The following C8orf34 variants were observed in gnomAD, a reference collection of about 807,000 sequenced individuals.
The protein encoded by C8orf34 is uncharacterized protein C8orf34.
A neutral mutation model predicts 68.3 loss-of-function variants in C8orf34; 65 were observed. The ratio of observed to expected loss-of-function variants is 0.95; its 90% CI spans 0.78 to 1.17. The LOEUF is 1.17. Ranked by LOEUF, C8orf34 falls within the 50% of genes most tolerant of loss-of-function variation. The probability of loss-of-function intolerance (pLI) is 0.00; values close to 1 mark genes in which losing one functional copy is unlikely to be tolerated. For synonymous variants in C8orf34, 244 were observed against 241.2 expected (o/e 1.01, Z -0.11); for missense variants, 664 against 655.4 (o/e 1.01, Z -0.14).
At chr8:68,598,386 G>A (rs1051995876) in intron 7 of C8orf34, among the ~76,000 whole-genome samples, 1 of 152,080 alleles carries the variant, frequency 6.6e-6, no homozygotes, top group African/African-American at 2.4e-5. Context: ...TACGGGTACC[G>A]AGGGTTCTTG....
At chr8:68,704,940 G>C (rs1218082600) in intron 8 of C8orf34, among the ~76,000 whole-genome samples, 2 of 152,250 alleles carry the variant, frequency 1.3e-5, no homozygotes, top group East Asian at 3.9e-4. Context: ...TTATGGAAAA[G>C]GGGTTTCTAA....
intron 1 of C8orf34, among the ~76,000 whole-genome samples, chr8:68,349,330 T>C (rs188840251): frequency 2.2e-4 from 33 of 152,230 alleles, no homozygotes; most frequent in Admixed American, 2.0e-3. Flanking sequence ...GAAGCCTACT[T>C]GATCATGGTG....
At chr8:68,496,517 A>G (rs909722690) in intron 5 of C8orf34, among the ~76,000 whole-genome samples, 1 of 152,204 alleles carries the variant, frequency 6.6e-6, no homozygotes, top group African/African-American at 2.4e-5. Context: ...AGGAGGGCCT[A>G]TTTTAAGTTG....
chr8:68,614,674 C>A (rs1382706455), intron 7 of C8orf34, among the ~76,000 whole-genome samples: 2 of 152,130 alleles, frequency 1.3e-5, no homozygotes, highest in African/African-American at 2.4e-5. Flanking sequence ...CAGTACCATG[C>A]TGTTTTGGTT....
chr8:68,475,208 T>A (rs113800810), intron 4 of C8orf34, among the ~76,000 whole-genome samples: 20 of 152,242 alleles, frequency 1.3e-4, no homozygotes, highest in African/African-American at 4.6e-4. Context: ...CTCTTCAGCT[T>A]CAGCTCAAAT....
At chr8:68,708,818 T>C (rs1821249022) in intron 8 of C8orf34, among the ~76,000 whole-genome samples, 176 bp from the exon 9 acceptor site, 2 of 152,188 alleles carry the variant, frequency 1.3e-5, no homozygotes, top group South Asian at 4.1e-4. Flanking sequence ...TCCTTAATGG[T>C]TAGAACAGCA....
chr8:68,333,044 A>G (rs1805698718), intron 1 of C8orf34, among the ~76,000 whole-genome samples: 1 of 152,218 alleles, frequency 6.6e-6, no homozygotes, highest in African/African-American at 2.4e-5. Flanking sequence ...TGGAGTATAA[A>G]GTACAATTAG....
chr8:68,527,972 C>A (rs1429606661), intron 6 of C8orf34, among the ~76,000 whole-genome samples: 1 of 152,126 alleles, frequency 6.6e-6, no homozygotes, highest in Non-Finnish European at 1.5e-5. Flanking sequence ...ATCTTGCTGT[C>A]TCCTCCCTAA....
chr8:68,721,670 T>A (rs936077584), intron 10 of C8orf34, among the ~76,000 whole-genome samples: 1 of 152,000 alleles, frequency 6.6e-6, no homozygotes, highest in Non-Finnish European at 1.5e-5. Context: ...TGAGCTGCCA[T>A]GTGAAACTTC....
chr8:68,609,861 T>A (rs1359940744), intron 7 of C8orf34, among the ~76,000 whole-genome samples: 1 of 152,058 alleles, frequency 6.6e-6, no homozygotes, highest in African/African-American at 2.4e-5. Flanking sequence ...TGGGAGGTGA[T>A]GAGTTCAAAC....
intron 4 of C8orf34, among the ~76,000 whole-genome samples, chr8:68,485,377 G>A (rs866312837): frequency 2.6e-5 from 4 of 151,918 alleles, no homozygotes; most frequent in East Asian, 3.9e-4. Flanking sequence ...GAGAAAACTC[G>A]TTTTGTAAGC....
chr8:68,534,639 G>A (rs1815385659), intron 7 of C8orf34: 2 of 985,496 alleles, frequency 2.0e-6, no homozygotes, highest in Non-Finnish European at 2.4e-6. Context: ...TCAGCAGGTG[G>A]GGTGTGGTCA....
At chr8:68,539,834 A>G (rs1173344419) in intron 7 of C8orf34, among the ~76,000 whole-genome samples, 1 of 152,080 alleles carries the variant, frequency 6.6e-6, no homozygotes, top group Non-Finnish European at 1.5e-5. Flanking sequence ...ACCCTGGGCA[A>G]CAGAGTGAAA....
At chr8:68,563,886 A>G (rs1051393913) in intron 7 of C8orf34, among the ~76,000 whole-genome samples, 23 of 140,454 alleles carry the variant, frequency 1.6e-4, no homozygotes, top group Non-Finnish European at 2.9e-4. Flanking sequence ...CATTGAAACA[A>G]AATCAGGCAA....
chr8:68,620,511 AG>A (rs1818355918), intron 7 of C8orf34, among the ~76,000 whole-genome samples: 1 of 152,162 alleles, frequency 6.6e-6, no homozygotes, highest in African/African-American at 2.4e-5. Flanking sequence ...TCCTGCACGG[AG>A]AGGAGCTCCC....
At chr8:68,485,603 T>G (rs2129631369) in intron 4 of C8orf34, among the ~76,000 whole-genome samples, 1 of 151,774 alleles carries the variant, frequency 6.6e-6, no homozygotes, top group East Asian at 1.9e-4. Flanking sequence ...TCCCAGCTAC[T>G]CATGAGGCTG....
At chr8:68,449,042 A>T (rs1405786048) in intron 3 of C8orf34, among the ~76,000 whole-genome samples, 1 of 152,122 alleles carries the variant, frequency 6.6e-6, no homozygotes, top group Non-Finnish European at 1.5e-5. Flanking sequence ...ATATAAACAG[A>T]ATAAATTGAC....
intron 5 of C8orf34, among the ~76,000 whole-genome samples, chr8:68,504,295 AT>A (rs1813906718): frequency 6.6e-6 from 1 of 152,138 alleles, no homozygotes; most frequent in Admixed American, 6.5e-5. Context: ...ATAATATTCC[AT>A]TGTAGGGGTA....
At chr8:68,532,296 A>G (rs183689164) in intron 6 of C8orf34, among the ~76,000 whole-genome samples, 20 of 152,308 alleles carry the variant, frequency 1.3e-4, no homozygotes, top group Middle Eastern at 6.8e-3. Context: ...ATAATATTTA[A>G]AAGTAGGGAA....
Sources: allele counts gnomAD v4.1 joint callset (sites outside exome capture counted in the v4.1 genomes callset), GRCh38; gene constraint gnomAD v4.1.1; transcripts MANE v1.5; gene names NCBI Gene and HGNC (gene_info 2026-07-23, HGNC 2026-07-21).